MAML3: variants seen among roughly 807,000 people sequenced by gnomAD.
MAML3 encodes the protein mastermind-like protein 3.
In MAML3, 27 loss-of-function variants were observed where a neutral mutation model predicts 101.9. That is an observed-to-expected ratio of 0.27 (90% confidence interval 0.20 to 0.37). MAML3 has a LOEUF of 0.37. MAML3 is among the 10% of genes least tolerant of loss of function. The probability of loss-of-function intolerance (pLI) is 1.00; values close to 1 mark genes in which losing one functional copy is unlikely to be tolerated. For missense variants in MAML3, 1,316 were observed against 1,444.9 expected, an observed-to-expected ratio of 0.91 and a Z score of 1.45; for synonymous variants, 501 against 555.9, an observed-to-expected ratio of 0.90 and a Z score of 1.39.
chr4:139,856,839 C>G (rs1369525178), intron 2 of MAML3, among the ~76,000 whole-genome samples: 2 of 152,126 alleles, frequency 1.3e-5, no homozygotes, highest in African/African-American at 4.8e-5. Context: ...CAACTAATAA[C>G]CCATATCTGT....
At chr4:139,811,071 CAGA>C (rs1369909041) in intron 2 of MAML3, among the ~76,000 whole-genome samples, 1 of 152,178 alleles carries the variant, frequency 6.6e-6, no homozygotes, top group African/African-American at 2.4e-5. Context: ...GGTAGGAAGA[CAGA>C]AGGAGATATG....
In MAML3 at chr4:140,149,939, CTTTTT is replaced by C. The variant is rs3051828; in HGVS notation, c.468+2916_468+2920del. Among the ~76,000 whole-genome samples the C allele has an allele frequency of 2.0e-3, 257 of 129,852 alleles. 1 individual carries two copies. Among genetic ancestry groups the C allele is most frequent in the Admixed American group, 4.6e-3 (57 of 12,476 alleles). 85.2% of individuals were successfully genotyped at this position (129,852 alleles called of 152,430 possible). A position where few individuals can be genotyped will look rare whatever the true frequency, so the allele number is the denominator to read the frequency against. ...TATAACTTGTAGAGCATGTTTCTTT[CTTTTT>C]TTTTTTTTTTTTTGGTACACAGAAT... On this transcript the variant is annotated intron_variant, in intron 1 of 4. Coordinates refer to ENST00000509479, the MANE Select transcript of MAML3 (RefSeq NM_018717.5).
chr4:139,938,608 G>T (rs1224712984), intron 1 of MAML3, among the ~76,000 whole-genome samples: 1 of 152,170 alleles, frequency 6.6e-6, no homozygotes, highest in Non-Finnish European at 1.5e-5. Flanking sequence ...GAAAGAGGAT[G>T]AACTCTTTTA....
At chr4:140,034,437 T>C (rs1024154479) in intron 1 of MAML3, among the ~76,000 whole-genome samples, 2 of 152,130 alleles carry the variant, frequency 1.3e-5, no homozygotes, top group East Asian at 1.9e-4. Context: ...AGACATATGG[T>C]ATGAGAAAGA....
At chr4:139,884,232 A>G (rs1388594725) in intron 2 of MAML3, among the ~76,000 whole-genome samples, 1 of 152,186 alleles carries the variant, frequency 6.6e-6, no homozygotes. Context: ...CATGATGGCT[A>G]TGAATTTTGC....
At chr4:139,964,609 T>G (rs1734090693) in intron 1 of MAML3, among the ~76,000 whole-genome samples, 1 of 152,196 alleles carries the variant, frequency 6.6e-6, no homozygotes, top group Admixed American at 6.5e-5. Context: ...TTACAATTTG[T>G]GGTAACTGCC....
chr4:139,998,733 C>G (rs1297465243), intron 1 of MAML3, among the ~76,000 whole-genome samples: 1 of 152,194 alleles, frequency 6.6e-6, no homozygotes, highest in African/African-American at 2.4e-5. Context: ...AAAGTTGTTG[C>G]TTCTGTTTTT....
chr4:140,153,481 A>AGGG lies in MAML3; in HGVS notation c.-155_-154insCCC. On this transcript the variant is annotated 5_prime_UTR_variant, in exon 1 of 5. Coordinates refer to ENST00000509479, the MANE Select transcript of MAML3 (RefSeq NM_018717.5). ...CGGCGATCCCGACGGGGCGAAAAAA[A>AGGG]CGGGGGGGGAGATTTTGGGGTGGTT... 1.3e-6 allele frequency: 1 copy of AGGG among 783,684 alleles called. No individual in the cohort carries two copies. The highest frequency in any genetic ancestry group is 4.7e-5 in the Admixed American group (1 of 21,268). 48.5% of individuals were successfully genotyped at this position (783,684 alleles called of 1,614,324 possible).
intron 2 of MAML3, among the ~76,000 whole-genome samples, chr4:139,773,644 C>G (rs780382553): frequency 2.6e-5 from 4 of 151,950 alleles, no homozygotes; most frequent in Non-Finnish European, 5.9e-5. Flanking sequence ...CTGTGCAAAA[C>G]AAAATAAAAA....
intron 2 of MAML3, among the ~76,000 whole-genome samples, chr4:139,837,610 A>T (rs1731278575): frequency 6.6e-6 from 1 of 152,072 alleles, no homozygotes; most frequent in Non-Finnish European, 1.5e-5. Context: ...ACATCACAGG[A>T]ATATTTTATA....
At chr4:139,850,534 ATTC>A (rs773458930) in intron 2 of MAML3, among the ~76,000 whole-genome samples, 9 of 149,348 alleles carry the variant, frequency 6.0e-5, no homozygotes, top group Non-Finnish European at 1.2e-4. Context: ...AACCTTATAT[ATTC>A]TTCTTTTTTT....
chr4:139,905,485 C>G (rs1389033192), intron 1 of MAML3, among the ~76,000 whole-genome samples: 1 of 7,932 alleles, frequency 1.3e-4, no homozygotes, highest in Non-Finnish European at 1.2e-3. Context: ...GAGCAAGACT[C>G]TGTCTCAAAA....
intron 2 of MAML3, among the ~76,000 whole-genome samples, chr4:139,733,166 A>G (rs928614034): frequency 2.0e-5 from 3 of 152,220 alleles, no homozygotes; most frequent in Admixed American, 2.0e-4. Flanking sequence ...ATGAATTCAC[A>G]CTGACATATA....
At chr4:140,056,534 C>T (rs753192127) in intron 1 of MAML3, among the ~76,000 whole-genome samples, 3 of 151,770 alleles carry the variant, frequency 2.0e-5, no homozygotes, top group Non-Finnish European at 4.4e-5. Flanking sequence ...TGGCCCTGCG[C>T]GGTGACTCAC....
At chr4:139,792,357 T>A (rs945143641) in intron 2 of MAML3, among the ~76,000 whole-genome samples, 5 of 152,200 alleles carry the variant, frequency 3.3e-5, no homozygotes, top group African/African-American at 1.2e-4. Context: ...GAACAGAGAT[T>A]TAAGCTGATG....
At chr4:140,095,629 G>A (rs1220091724) in intron 1 of MAML3, among the ~76,000 whole-genome samples, 3 of 151,846 alleles carry the variant, frequency 2.0e-5, no homozygotes, top group Non-Finnish European at 4.4e-5. Flanking sequence ...TCCAGGGGCC[G>A]CCTAACACAG....
chr4:140,032,691 T>TTAA (rs1726926557), intron 1 of MAML3, among the ~76,000 whole-genome samples: 2 of 152,134 alleles, frequency 1.3e-5, no homozygotes, highest in African/African-American at 2.4e-5. Flanking sequence ...TACCAAAAAC[T>TTAA]TAATATTTGA....
At chr4:139,869,119 A>C (rs1731955265) in intron 2 of MAML3, among the ~76,000 whole-genome samples, 1 of 152,252 alleles carries the variant, frequency 6.6e-6, no homozygotes, top group Non-Finnish European at 1.5e-5. Flanking sequence ...GAAAGCATGC[A>C]AAGAGAAGAT....
intron 1 of MAML3, among the ~76,000 whole-genome samples, chr4:140,090,717 C>A (rs1031614002): frequency 9.2e-5 from 14 of 152,196 alleles, no homozygotes; most frequent in Admixed American, 9.2e-4. Flanking sequence ...TCTGTGGCTA[C>A]TACTACATGC....
Sources: allele counts gnomAD v4.1 joint callset (sites outside exome capture counted in the v4.1 genomes callset), GRCh38; gene constraint gnomAD v4.1.1; transcripts MANE v1.5; gene names NCBI Gene and HGNC (gene_info 2026-07-23, HGNC 2026-07-21).